ADAMTSL1: variants seen among roughly 807,000 people sequenced by gnomAD.
ADAMTSL1 encodes ADAMTS-like protein 1.
ADAMTSL1 carries 126 observed loss-of-function variants against 201.8 expected under a neutral mutation model. The ratio of observed to expected loss-of-function variants is 0.62; its 90% confidence interval spans 0.54 to 0.72. The LOEUF is 0.72. ADAMTSL1 is among the 30% of genes least tolerant of loss of function. The pLI, the probability that ADAMTSL1 is intolerant of heterozygous loss-of-function variation, is 0.00. For missense variants in ADAMTSL1, 2,679 were observed against 2,277.8 expected (o/e 1.18, Z -3.59); for synonymous variants, 1,121 against 903.4 (o/e 1.24, Z -4.32).
chr9:18,018,209 A>G (rs10810886), intron 1 of ADAMTSL1, among the ~76,000 whole-genome samples: 37,276 of 152,048 alleles, frequency 0.25, 4,671 homozygotes, highest in South Asian at 0.32. Context: ...TAATCACAGT[A>G]GTGGTGATAG....
At chr9:18,663,563 G>A (rs190722895) in intron 9 of ADAMTSL1, among the ~76,000 whole-genome samples, 36 of 152,220 alleles carry the variant, frequency 2.4e-4, no homozygotes, top group African/African-American at 8.4e-4. Flanking sequence ...AGGAAGACCA[G>A]TGTGTGAAAG....
rs571618296 is a variant in ADAMTSL1 at position 18,171,718 on chromosome 9, C to T, written c.207+7737C>T. On this transcript the variant is annotated intron_variant, in intron 2 of 29. Coordinates refer to the ADAMTSL1 transcript ENST00000680146. Reference sequence around the variant, plus strand: ...ATTTGTCTATTTTGGCTTTTGTTGCCATTGCTTTTGGTGTTTTAGTCATGA... The same window carrying T: ...ATTTGTCTATTTTGGCTTTTGTTGCTATTGCTTTTGGTGTTTTAGTCATGA... Among the ~76,000 whole-genome samples, 4 of 152,144 alleles carry T rather than the reference C, an allele frequency of 2.6e-5. No homozygotes were observed. In the East Asian group the frequency reaches 7.8e-4, roughly 30 times the overall value.
chr9:17,974,654 T>A (rs971772437), intron 1 of ADAMTSL1, among the ~76,000 whole-genome samples: 5 of 152,052 alleles, frequency 3.3e-5, no homozygotes, highest in African/African-American at 1.2e-4. Context: ...CTTAGCATAG[T>A]GTCCTCCAGA....
intron 14 of ADAMTSL1, chr9:18,718,386 G>A: frequency 1.4e-6 from 1 of 704,302 alleles, no homozygotes; most frequent in Admixed American, 1.8e-5. Flanking sequence ...ACACTGCTGT[G>A]CATCTACTTC....
At chr9:18,104,268 G>A (rs10963453) in intron 1 of ADAMTSL1, among the ~76,000 whole-genome samples, 16,725 of 152,014 alleles carry the variant, frequency 0.11, 1,259 homozygotes, top group East Asian at 0.39. Flanking sequence ...CAGTGTAGTC[G>A]CAATCCCGTT....
At chr9:18,531,202 A>C (rs1819421849) in intron 2 of ADAMTSL1, among the ~76,000 whole-genome samples, 1 of 152,192 alleles carries the variant, frequency 6.6e-6, no homozygotes, top group Admixed American at 6.5e-5. Context: ...GGACCAGAGT[A>C]CTCATGTCAG....
At chr9:18,574,595 TTG>T (rs10650608) in intron 4 of ADAMTSL1, 95,117 of 339,032 alleles carry the variant, frequency 0.28, 11,122 homozygotes, top group East Asian at 0.55. Context: ...GTGTTTGTGT[TTG>T]TGTGTGTGTG....
chr9:18,719,733 A>C (rs1251555583), intron 14 of ADAMTSL1, among the ~76,000 whole-genome samples: 1 of 152,196 alleles, frequency 6.6e-6, no homozygotes, highest in Non-Finnish European at 1.5e-5. Flanking sequence ...TTTGGACTCC[A>C]GCTGAGTCAC....
At chr9:18,294,629 C>T (rs1587490130) in intron 2 of ADAMTSL1, among the ~76,000 whole-genome samples, 1 of 152,182 alleles carries the variant, frequency 6.6e-6, no homozygotes, top group East Asian at 1.9e-4. Flanking sequence ...AGGGAAAATG[C>T]TGTGGGAATG....
intron 2 of ADAMTSL1, among the ~76,000 whole-genome samples, chr9:18,337,633 A>G (rs1435645410): frequency 6.6e-6 from 1 of 152,162 alleles, no homozygotes; most frequent in Non-Finnish European, 1.5e-5. Flanking sequence ...CAAGGAGACA[A>G]GTTCTAGAGT....
intron 2 of ADAMTSL1, among the ~76,000 whole-genome samples, chr9:18,390,252 C>A (rs888327950): frequency 1.8e-4 from 27 of 152,084 alleles, no homozygotes; most frequent in Admixed American, 1.7e-3. Context: ...GAAAAGCAAA[C>A]CATTTCTGTT....
At chr9:18,845,271 G>A (rs1007908952) in intron 23 of ADAMTSL1, among the ~76,000 whole-genome samples, 1 of 148,862 alleles carries the variant, frequency 6.7e-6, no homozygotes, top group African/African-American at 2.4e-5. Flanking sequence ...GGAGGCACAT[G>A]TCAGCCCCAC....
intron 15 of ADAMTSL1, among the ~76,000 whole-genome samples, chr9:18,731,040 A>T (rs935194683): frequency 2.0e-5 from 3 of 152,196 alleles, no homozygotes; most frequent in Non-Finnish European, 4.4e-5. Flanking sequence ...GAGATGGCTG[A>T]TGGTCATCTC....
chr9:18,662,637 G>C (rs980916704), intron 9 of ADAMTSL1, among the ~76,000 whole-genome samples: 3 of 152,090 alleles, frequency 2.0e-5, no homozygotes, highest in Non-Finnish European at 2.9e-5. Context: ...ATTCTTAAAA[G>C]GTCTTTGAAA....
Position 18,890,938 on chromosome 9 carries a change from T to TG in ADAMTSL1, c.4643+1191dup, listed in dbSNP as rs1829220506. ...AATCAGCTTAATTTACTTCTGCAAATGAAATAATGGCTCTGTTTTCTTGGA... is the reference window on the plus strand; with the variant it reads ...AATCAGCTTAATTTACTTCTGCAAATGGAAATAATGGCTCTGTTTTCTTGGA... On this transcript the variant is annotated intron_variant, in intron 25 of 28. Coordinates refer to ENST00000380548, the MANE Select transcript of ADAMTSL1 (RefSeq NM_001040272.6). 4 of 124,550 alleles carry TG rather than the reference T, an allele frequency of 3.2e-5. No homozygotes were observed. In the African/African-American group the frequency reaches 4.4e-4, roughly 14 times the overall value. The allele number at this position is 124,550 out of a possible 1,614,324, so 7.7% of individuals were successfully genotyped here. A position where few individuals can be genotyped will look rare whatever the true frequency, so the allele number is the denominator to read the frequency against.
chr9:18,474,124 C>A, upstream of ADAMTSL1: 1 of 939,750 alleles, frequency 1.1e-6, no homozygotes. Context: ...CTGATGGAAG[C>A]TGATAGGCAG....
chr9:18,809,019 A>G (rs1012431055), intron 20 of ADAMTSL1, among the ~76,000 whole-genome samples: 3 of 152,250 alleles, frequency 2.0e-5, no homozygotes, highest in Non-Finnish European at 2.9e-5. Context: ...CTTATTGAGA[A>G]TCTACTAGGC....
chr9:18,760,405 TTCTC>T (rs1316588028), intron 16 of ADAMTSL1, among the ~76,000 whole-genome samples: 9 of 152,148 alleles, frequency 5.9e-5, no homozygotes, highest in Non-Finnish European at 1.0e-4. Context: ...TTACCACAGG[TTCTC>T]TCTTCAAGCC....
At chr9:18,277,736 G>A (rs1031746750) in intron 2 of ADAMTSL1, among the ~76,000 whole-genome samples, 13 of 152,112 alleles carry the variant, frequency 8.5e-5, no homozygotes, top group African/African-American at 2.9e-4. Context: ...GTCATCCTAT[G>A]TCTTTTCACT....
Sources: gnomAD v4.1 joint callset for allele counts (sites outside exome capture counted in the v4.1 genomes callset) on GRCh38, gnomAD v4.1.1 for gene constraint, MANE v1.5 for transcripts, NCBI Gene and HGNC (gene_info 2026-07-23, HGNC 2026-07-21) for gene names.